CENPE: variants seen among roughly 807,000 people sequenced by gnomAD.
CENPE encodes the protein centromere-associated protein E.
CENPE carries 145 observed loss-of-function variants against 336.1 expected under a neutral mutation model. The observed-to-expected ratio is 0.43, with a 90% CI of 0.38 to 0.50. CENPE has a LOEUF of 0.50. CENPE is among the 20% of genes least tolerant of loss of function. The pLI is 0.00. For synonymous variants in CENPE, 1,013 were observed against 984.8 expected, an observed-to-expected ratio of 1.03 and a Z score of -0.54; for missense variants, 2,719 against 3,023.3, an observed-to-expected ratio of 0.90 and a Z score of 2.36.
At chr4:103,187,937 G>C (rs1451774910) in intron 8 of CENPE, among the ~76,000 whole-genome samples, 1 of 151,888 alleles carries the variant, frequency 6.6e-6, no homozygotes. Context: ...TCAAAATAAA[G>C]GGATGGAGGA....
intron 42 of CENPE, among the ~76,000 whole-genome samples, chr4:103,125,037 T>A (rs1046356732): frequency 6.6e-6 from 1 of 152,192 alleles, no homozygotes; most frequent in Non-Finnish European, 1.5e-5. Context: ...TATCCAAACA[T>A]TGGTTTTGTG....
rs1207258216 is a variant in CENPE at position 103,196,264 on chromosome 4, C to T, written c.149-12G>A. On this transcript the variant is annotated splice_polypyrimidine_tract_variant and intron_variant, in intron 2 of 48. Transcript: ENST00000265148. ...ATGAAAGACACGATCTAAACAACAA[C>T]AACAACAACAACAACACAGAAGTTA... 6.4e-7 allele frequency: 1 copy of T among 1,557,540 alleles called. No homozygotes were observed. Among genetic ancestry groups the T allele is most frequent in the Non-Finnish European group, 8.8e-7 (1 of 1,130,710 alleles).
intron 42 of CENPE, among the ~76,000 whole-genome samples, chr4:103,128,918 C>T (rs1751354938): frequency 1.3e-5 from 2 of 151,898 alleles, no homozygotes; most frequent in South Asian, 2.1e-4. Context: ...AATAAATATC[C>T]TAAAAACTGG....
rs1042931771 is a variant in CENPE, at chr4:103,122,979, G to T, written c.7035C>A (p.Asn2345Lys). ...CCAAGGAAGTCTTCAATGTTTGGTA[G>T]TTTTTAAATAGTTTTTCATTTTTCT... ...LKEKNEKLFK[N>K]YQTLKTSLAS... is the part of the protein sequence containing the mutation. Residue 2345 changes from asparagine to lysine, a missense_variant, in exon 43 of 49, where the codon AAC becomes AAA. Physicochemically the swap from Asn to Lys is moderately conservative, Grantham distance 94. Transcript: ENST00000265148. 1 of 1,613,750 alleles carries T rather than the reference G, an allele frequency of 6.2e-7. No individual in the cohort carries two copies.
At position 103,116,566 on chromosome 4, in the gene CENPE, C is replaced by A. The variant is rs1435880327; in HGVS notation, c.7442+11G>T. The A allele has an allele frequency of 1.5e-6, 2 of 1,345,986 alleles. No homozygotes were observed. Among genetic ancestry groups the A allele is most frequent in the Non-Finnish European group, 2.1e-6 (2 of 967,672 alleles). 83.4% of individuals were successfully genotyped at this position (1,345,986 alleles called of 1,614,324 possible). Reference sequence around the variant, plus strand: ...CTATTAAAATCACATTAAATTAAGACAAATACGTACTCCTTTTCAAATTCT... The same window carrying A: ...CTATTAAAATCACATTAAATTAAGAAAAATACGTACTCCTTTTCAAATTCT... On this transcript the variant is annotated intron_variant, in intron 45 of 48. Transcript: ENST00000265148.
chr4:103,172,146 T>G (rs773109123), intron 16 of CENPE, among the ~76,000 whole-genome samples: 24 of 151,104 alleles, frequency 1.6e-4, no homozygotes, highest in African/African-American at 5.8e-4. Flanking sequence ...ATACCAAAAA[T>G]AGACAAAAAA....
At chr4:103,194,896 A>G (rs182862182) in intron 5 of CENPE, among the ~76,000 whole-genome samples, 6 of 152,144 alleles carry the variant, frequency 3.9e-5, no homozygotes, top group Non-Finnish European at 7.4e-5. Context: ...GATACTTCCA[A>G]CTTGCTATTT....
intron 42 of CENPE, among the ~76,000 whole-genome samples, chr4:103,128,468 A>G (rs1417063537): frequency 6.6e-6 from 1 of 152,188 alleles, no homozygotes; most frequent in Non-Finnish European, 1.5e-5. Flanking sequence ...CATATTATAT[A>G]TTCTTCTCAA....
chr4:103,141,409 G>C (rs1217919920), intron 35 of CENPE, among the ~76,000 whole-genome samples: 1 of 151,894 alleles, frequency 6.6e-6, no homozygotes, highest in Non-Finnish European at 1.5e-5. Context: ...CCACTATTCT[G>C]ACCTTTATCA....
chr4:103,173,900 C>T (rs1755637203), intron 16 of CENPE, among the ~76,000 whole-genome samples: 1 of 151,770 alleles, frequency 6.6e-6, no homozygotes, highest in South Asian at 2.1e-4. Context: ...AAAAGAGAAT[C>T]CTTTTATACT....
rs1752930922 is a variant in CENPE, at chr4:103,145,280, C to G, written c.4627G>C (p.Val1543Leu). 1 of 1,605,862 alleles carries G rather than the reference C, an allele frequency of 6.2e-7. No homozygotes were observed. Among genetic ancestry groups the G allele is most frequent in the South Asian group, 1.1e-5 (1 of 90,398 alleles). Residue 1543 changes from valine to leucine, a missense_variant, in exon 32 of 49, where the codon GTT (valine) becomes CTT (leucine). Coordinates refer to ENST00000265148, the MANE Select transcript of CENPE (RefSeq NM_001813.3). Reference sequence around the variant, plus strand: ...TTCAGTTCATTCACTTTTTCCTGAACCTCACTAATTTGTTTTATATTAAAT... The same window carrying G: ...TTCAGTTCATTCACTTTTTCCTGAAGCTCACTAATTTGTTTTATATTAAAT... The part of the protein sequence containing the change: ...EQFNIKQISE[V>L]QEKVNELKQF...
intron 13 of CENPE, among the ~76,000 whole-genome samples, chr4:103,177,846 G>A (rs142138473): frequency 3.3e-5 from 5 of 151,682 alleles, no homozygotes; most frequent in East Asian, 3.9e-4. Context: ...TCAAATCCTC[G>A]ACTCCAATAA....
At chr4:103,143,769 A>G (rs1353908447) in intron 33 of CENPE, among the ~76,000 whole-genome samples, 1 of 152,218 alleles carries the variant, frequency 6.6e-6, no homozygotes, top group Non-Finnish European at 1.5e-5. Flanking sequence ...GTTGCAAAGA[A>G]TATCCTACAA....
chr4:103,165,421 A>G (rs17283027), intron 16 of CENPE, among the ~76,000 whole-genome samples: 25,582 of 152,146 alleles, frequency 0.17, 2,273 homozygotes, highest in South Asian at 0.31. Context: ...ATGTTACTAT[A>G]TTCCCACTAG....
intron 8 of CENPE, among the ~76,000 whole-genome samples, chr4:103,191,086 A>G (rs898151355): frequency 2.0e-5 from 3 of 152,196 alleles, no homozygotes; most frequent in African/African-American, 7.2e-5. Flanking sequence ...GCAAATCAAA[A>G]CCACAATGAG....
At chr4:103,189,758 T>C (rs1438708856) in intron 8 of CENPE, among the ~76,000 whole-genome samples, 2 of 152,096 alleles carry the variant, frequency 1.3e-5, no homozygotes, top group South Asian at 2.1e-4. Context: ...CTCTCACCAC[T>C]CCTATTCAAC....
chr4:103,106,639 A>C (rs1194925730), intron 48 of CENPE, among the ~76,000 whole-genome samples: 1 of 152,194 alleles, frequency 6.6e-6, no homozygotes, highest in Non-Finnish European at 1.5e-5. Context: ...TGTTTTTCAA[A>C]ATAAATGGTG....
intron 5 of CENPE, among the ~76,000 whole-genome samples, 178 bp downstream of exon 5, chr4:103,194,936 C>T (rs529027425): frequency 2.6e-5 from 4 of 151,940 alleles, no homozygotes; most frequent in South Asian, 4.2e-4. Context: ...TTAGAGCTGT[C>T]AGTATTTTAA....
intron 32 of CENPE, 151 bp from the exon 33 acceptor site, chr4:103,144,769 G>A (rs1327936331): frequency 6.3e-6 from 4 of 636,702 alleles, no homozygotes; most frequent in Non-Finnish European, 1.1e-5. Flanking sequence ...ATAATTAGAT[G>A]TCATTTTCCA....
Sources: allele counts gnomAD v4.1 joint callset (sites outside exome capture counted in the v4.1 genomes callset), GRCh38; gene constraint gnomAD v4.1.1; transcripts MANE v1.5; gene names NCBI Gene and HGNC (gene_info 2026-07-23, HGNC 2026-07-21).